ATP8A2: variants seen among roughly 807,000 people sequenced by gnomAD.
ATP8A2 encodes the protein phospholipid-transporting ATPase IB.
ATP8A2 carries 100 observed loss-of-function variants against 165.6 expected under a neutral mutation model. That is an observed-to-expected ratio of 0.60 (90% CI 0.51 to 0.71). The LOEUF is 0.71. ATP8A2 is among the 30% of genes least tolerant of loss of function. ATP8A2 has a pLI of 0.00. For synonymous variants in ATP8A2, 543 were observed against 548.8 expected, an observed-to-expected ratio of 0.99 and a Z score of 0.15; for missense variants, 1,227 against 1,479.5, an observed-to-expected ratio of 0.83 and a Z score of 2.80.
chr13:25,872,831 T>A (rs191912160), intron 33 of ATP8A2, among the ~76,000 whole-genome samples: 1 of 152,228 alleles, frequency 6.6e-6, no homozygotes. Context: ...TTTAGCTCAA[T>A]ATTTCCAAAA....
chr13:25,997,569 G>A (rs368708617), intron 35 of ATP8A2, among the ~76,000 whole-genome samples: 1 of 152,126 alleles, frequency 6.6e-6, no homozygotes, highest in East Asian at 1.9e-4. Flanking sequence ...GTGAATGTTA[G>A]ATCTTCTATT....
At chr13:25,671,384 A>T (rs1283949460) in intron 24 of ATP8A2, among the ~76,000 whole-genome samples, 1 of 152,232 alleles carries the variant, frequency 6.6e-6, no homozygotes, top group African/African-American at 2.4e-5. Flanking sequence ...GCAATTGTTC[A>T]GGGAATAAGA....
At chr13:25,741,099 T>C (rs2043901256) in intron 25 of ATP8A2, among the ~76,000 whole-genome samples, 1 of 152,184 alleles carries the variant, frequency 6.6e-6, no homozygotes, top group African/African-American at 2.4e-5. Flanking sequence ...TTTCAGAAAG[T>C]GTATGAGTTC....
rs369685449 is a variant in ATP8A2, at chr13:25,581,885, G to T, written c.2074G>T (p.Ala692Ser). The T allele has an allele frequency of 5.1e-5, 83 of 1,613,794 alleles. No homozygotes were observed. Among genetic ancestry groups the T allele is most frequent in the Non-Finnish European group, 7.0e-5 (83 of 1,179,808 alleles). The change falls in exon 23 of 37, where the codon GCA (alanine) becomes TCA (serine). Residue 692 changes from alanine (A) to serine (S), a missense_variant. Transcript: ENST00000381655. ...TCAAGCAGGAGTTCCAGAAACCATC[G>T]CAACACTGTTGAAGGCAGAAATTAA... ...RLQAGVPETIATLLKAEIKIW... is the reference protein window; with the variant it reads ...RLQAGVPETISTLLKAEIKIW...
chr13:25,424,095 T>C (rs936388916), intron 1 of ATP8A2, among the ~76,000 whole-genome samples: 1 of 152,118 alleles, frequency 6.6e-6, no homozygotes, highest in Admixed American at 6.5e-5. Context: ...CAGGGCTTGG[T>C]GTGGGAAATA....
chr13:25,889,259 T>TATATATATATATATATAA (rs1322797348), intron 33 of ATP8A2, among the ~76,000 whole-genome samples: 1 of 145,400 alleles, frequency 6.9e-6, no homozygotes, highest in African/African-American at 2.5e-5. Flanking sequence ...TATATATATA[T>TATATATATATATATATAA]ATATATATAT....
chr13:25,740,153 C>CA (rs926021457), intron 25 of ATP8A2, among the ~76,000 whole-genome samples: 22 of 151,866 alleles, frequency 1.4e-4, no homozygotes, highest in Non-Finnish European at 3.2e-4. Flanking sequence ...ATTCCAAATA[C>CA]AAAAAATTAG....
chr13:25,951,511 G>GA (rs1431190119), intron 33 of ATP8A2, among the ~76,000 whole-genome samples: 1 of 152,214 alleles, frequency 6.6e-6, no homozygotes, highest in Non-Finnish European at 1.5e-5. Flanking sequence ...AAAGGCACGG[G>GA]AGGGCTTTCT....
intron 1 of ATP8A2, among the ~76,000 whole-genome samples, chr13:25,395,910 C>T (rs1179672341): frequency 6.6e-6 from 1 of 152,014 alleles, no homozygotes; most frequent in Admixed American, 6.6e-5. Flanking sequence ...GTGGCGCAAT[C>T]TCAGCTCACT....
intron 1 of ATP8A2, among the ~76,000 whole-genome samples, chr13:25,468,116 T>C (rs1486724725): frequency 6.6e-6 from 1 of 152,174 alleles, no homozygotes; most frequent in Non-Finnish European, 1.5e-5. Context: ...CAGTAATAAC[T>C]GGATCCTTCT....
At chr13:25,606,802 C>T (rs1353436833) in intron 24 of ATP8A2, among the ~76,000 whole-genome samples, 1 of 152,166 alleles carries the variant, frequency 6.6e-6, no homozygotes, top group African/African-American at 2.4e-5. Flanking sequence ...GGTTATTAAT[C>T]ACTTGAAACA....
At chr13:25,785,611 G>A (rs966542420) in intron 27 of ATP8A2, among the ~76,000 whole-genome samples, 9 of 151,958 alleles carry the variant, frequency 5.9e-5, no homozygotes, top group African/African-American at 1.5e-4. Flanking sequence ...ATCAGATTTC[G>A]TTTAAGTTTT....
intron 1 of ATP8A2, among the ~76,000 whole-genome samples, chr13:25,458,860 A>G (rs2035431984): frequency 6.6e-6 from 1 of 152,070 alleles, no homozygotes; most frequent in African/African-American, 2.4e-5. Context: ...CCTCTCTGGG[A>G]CCTCGCTTGG....
intron 25 of ATP8A2, among the ~76,000 whole-genome samples, chr13:25,754,665 A>G (rs1482763508): frequency 6.6e-6 from 1 of 152,178 alleles, no homozygotes; most frequent in East Asian, 1.9e-4. Context: ...GTTCTAGTCA[A>G]ATATAAAGCA....
In ATP8A2 at chr13:25,543,354, G is replaced by T. The variant is rs532757124; in HGVS notation, c.843G>T (p.Trp281Cys). The T allele has an allele frequency of 6.2e-7, 1 of 1,613,186 alleles. No homozygotes were observed. Among genetic ancestry groups the T allele is most frequent in the Admixed American group, 1.7e-5 (1 of 59,988 alleles). Residue 281 changes from tryptophan to cysteine, a missense_variant, in exon 10 of 37, where the codon TGG becomes TGT. Around this residue, in one of 5 missense-constraint regions of ATP8A2, gnomAD observed 356 missense variants for 394.9 expected, o/e 0.90. Coordinates refer to ENST00000381655, the MANE Select transcript of ATP8A2 (RefSeq NM_016529.6). ...LRGTQLRNTQWVFGIVVYTGH... is the reference protein window; with the variant it reads ...LRGTQLRNTQCVFGIVVYTGH... ...GTACACAGCTTAGAAATACTCAGTG[G>T]GTCTTTGGCATAGTTGTTTATACTG...
chr13:25,594,581 C>T (rs2040183972), intron 24 of ATP8A2, among the ~76,000 whole-genome samples: 1 of 152,106 alleles, frequency 6.6e-6, no homozygotes, highest in Admixed American at 6.6e-5. Flanking sequence ...CCACCCTTTC[C>T]CCCAAGTCCC....
At chr13:25,523,239 G>C (rs1427523727) in intron 2 of ATP8A2, among the ~76,000 whole-genome samples, 1 of 149,598 alleles carries the variant, frequency 6.7e-6, no homozygotes, top group African/African-American at 2.4e-5. Context: ...AGTATTCCGT[G>C]ATCTTCAATT....
At chr13:26,008,074 A>C (rs1956778462) in intron 35 of ATP8A2, among the ~76,000 whole-genome samples, 1 of 152,144 alleles carries the variant, frequency 6.6e-6, no homozygotes, top group Non-Finnish European at 1.5e-5. Context: ...CTAATATATT[A>C]ATATACAAAT....
chr13:25,882,720 C>T (rs1374883241), intron 33 of ATP8A2, among the ~76,000 whole-genome samples: 2 of 152,164 alleles, frequency 1.3e-5, no homozygotes, highest in Admixed American at 6.5e-5. Flanking sequence ...CTTGTTTGTA[C>T]TGTCATTTTT....
Sources: gnomAD v4.1 joint callset for allele counts (sites outside exome capture counted in the v4.1 genomes callset) on GRCh38, gnomAD v4.1.1 for gene constraint, gnomAD v4.1.1 regional missense constraint, MANE v1.5 for transcripts, NCBI Gene and HGNC (gene_info 2026-07-23, HGNC 2026-07-21) for gene names.